Variants in AASDH observed in about 807,000 individuals in gnomAD.
AASDH encodes beta-alanine-activating enzyme.
A neutral mutation model predicts 102.3 loss-of-function variants in AASDH; 81 were observed. That is an observed-to-expected ratio of 0.79 (90% CI 0.66 to 0.95). The LOEUF (loss-of-function observed/expected upper bound fraction) is 0.95. Among genes scored for constraint, AASDH ranks in the 40% least tolerant of loss-of-function variants. The probability of loss-of-function intolerance (pLI) is 0.00; values close to 1 mark genes in which losing one functional copy is unlikely to be tolerated. For missense variants in AASDH, 1,203 were observed against 1,266.2 expected (o/e 0.95, Z 0.76); for synonymous variants, 398 against 454.0 (o/e 0.88, Z 1.57).
At position 56,351,420 on chromosome 4, in the gene AASDH, T is replaced by G. The variant is rs1748984755; in HGVS notation, c.1614A>C (p.Leu538Phe). The G allele has an allele frequency of 1.9e-6, 3 of 1,598,800 alleles. No individual in the cohort carries two copies. In the African/African-American group the frequency reaches 4.0e-5, roughly 21 times the overall value. Residue 538 changes from leucine to phenylalanine, a missense_variant, in exon 10 of 15, where the codon TTA becomes TTC. Physicochemically the swap from Leu to Phe is conservative, Grantham distance 22. Transcript: ENST00000205214. ...TCTCAGACTTCAAGTTTATGTAGTT[T>G]AAATATATCTTGTTTAACTCAGAAA... The part of the protein sequence containing the change: ...IDVSELNKIY[L>F]NYINLKSENK...
intron 5 of AASDH, among the ~76,000 whole-genome samples, chr4:56,362,862 C>T (rs1298025798): frequency 6.6e-6 from 1 of 152,134 alleles, no homozygotes; most frequent in Non-Finnish European, 1.5e-5. Flanking sequence ...CCAGGTTCAT[C>T]TCACTGGGGA....
In AASDH at chr4:56,353,428, C is replaced by T. The variant is rs777182774; in HGVS notation, c.1552G>A (p.Asp518Asn). Residue 518 changes from aspartate to asparagine, a missense_variant, in exon 9 of 15, where the codon GAC (aspartate) becomes AAC (asparagine). Transcript: ENST00000205214. ...HAVPDELVLI[D>N]SLPFTSHGKI... Reference sequence around the variant, plus strand: ...CCGTGGGATGTAAATGGTAGAGAGTCGATCAATACAAGCTCATCCGGGACT... The same window carrying T: ...CCGTGGGATGTAAATGGTAGAGAGTTGATCAATACAAGCTCATCCGGGACT... 5.0e-6 allele frequency: 8 copies of T among 1,608,908 alleles called. No homozygotes were observed. The highest frequency in any genetic ancestry group is 3.3e-5 in the South Asian group (3 of 90,272).
intron 3 of AASDH, 117 bp downstream of exon 3, chr4:56,382,360 G>T: frequency 9.9e-7 from 1 of 1,014,648 alleles, no homozygotes; most frequent in Non-Finnish European, 1.4e-6. Context: ...ATAGTGCAAA[G>T]ACTGAGAAAC....
chr4:56,358,612 G>A (rs1354189626), intron 5 of AASDH, among the ~76,000 whole-genome samples: 1 of 151,828 alleles, frequency 6.6e-6, no homozygotes, highest in Non-Finnish European at 1.5e-5. Context: ...AGATAGGTAT[G>A]TGCTTTTTGT....
Position 56,349,601 on chromosome 4 carries a change from T to G in AASDH, c.2150A>C (p.Gln717Pro). The change falls in exon 11 of 15, where the codon CAA (glutamine) becomes CCA (proline). Residue 717 changes from glutamine to proline, a missense_variant. Gln to Pro is a moderately conservative substitution (Grantham distance 76). Coordinates refer to ENST00000205214, the MANE Select transcript of AASDH (RefSeq NM_181806.4). ...TGGAGAATTTAAGCCTTTCAAATTT[T>G]GAATGTTGGTCTGTGAAACTGAGTC... The part of the protein sequence containing the change: ...PSDSVSQTNI[Q>P]NLKGLNSPVL... 1.2e-6 allele frequency: 2 copies of G among 1,614,232 alleles called. No individual in the cohort carries two copies. The highest frequency in any genetic ancestry group is 1.7e-6 in the Non-Finnish European group (2 of 1,180,040).
chr4:56,381,955 A>G (rs1276357797), intron 3 of AASDH: 1 of 152,122 alleles, frequency 6.6e-6, no homozygotes, highest in Non-Finnish European at 1.5e-5. Context: ...ACTTTTCTGG[A>G]AAGATCTCCT....
chr4:56,382,832 G>A (rs1376753901), intron 2 of AASDH, among the ~76,000 whole-genome samples: 1 of 152,240 alleles, frequency 6.6e-6, no homozygotes, highest in African/African-American at 2.4e-5. Context: ...CACTTTGGGA[G>A]GTTGAGGCGA....
chr4:56,365,133 T>C (rs1750828720), intron 5 of AASDH, among the ~76,000 whole-genome samples: 1 of 152,084 alleles, frequency 6.6e-6, no homozygotes, highest in Non-Finnish European at 1.5e-5. Flanking sequence ...GGCCATTACA[T>C]AATGCTAAAG....
chr4:56,363,698 C>T (rs1023334429), intron 5 of AASDH, among the ~76,000 whole-genome samples: 3 of 152,108 alleles, frequency 2.0e-5, no homozygotes, highest in Non-Finnish European at 4.4e-5. Context: ...ACAGAAAGGA[C>T]ATCCACACCA....
At chr4:56,351,553 A>G (rs1748999943) in intron 9 of AASDH, 96 bp from the exon 10 acceptor site, 2 of 676,616 alleles carry the variant, frequency 3.0e-6, no homozygotes, top group South Asian at 4.1e-5. Context: ...TTTTCTTTGT[A>G]CAACACAGAA....
intron 1 of AASDH, among the ~76,000 whole-genome samples, chr4:56,386,895 G>C (rs1390806581): frequency 2.0e-5 from 3 of 148,636 alleles, no homozygotes; most frequent in Admixed American, 6.7e-5. Flanking sequence ...TACAACTGTA[G>C]AAGCTGCTAT....
chr4:56,386,339 T>C (rs1753550717), intron 1 of AASDH, among the ~76,000 whole-genome samples: 1 of 152,182 alleles, frequency 6.6e-6, no homozygotes, highest in Non-Finnish European at 1.5e-5. Context: ...ATACGATAAT[T>C]AAGATGTTTC....
rs776747579 is a variant in AASDH, at chr4:56,355,436, T to C, written c.862-13A>G. The C allele has an allele frequency of 1.9e-6, 3 of 1,596,590 alleles. No homozygotes were observed. The South Asian group carries it at 3.4e-5, about 18-fold the overall frequency. ...ATGTTGGTGTTGCCTGTAGATACATTAAAAATAATTTATTTATTTTCCTTC... is the reference window on the plus strand; with the variant it reads ...ATGTTGGTGTTGCCTGTAGATACATCAAAAATAATTTATTTATTTTCCTTC... On this transcript the variant is annotated splice_polypyrimidine_tract_variant and intron_variant, in intron 5 of 14. Coordinates refer to ENST00000205214, the MANE Select transcript of AASDH (RefSeq NM_181806.4).
intron 2 of AASDH, among the ~76,000 whole-genome samples, chr4:56,382,845 G>T (rs1399941091): frequency 6.6e-6 from 1 of 152,168 alleles, no homozygotes; most frequent in African/African-American, 2.4e-5. Context: ...TGAGGCGAGC[G>T]AATCACCTGA....
At chr4:56,377,496 C>T (rs1752498058) in intron 4 of AASDH, among the ~76,000 whole-genome samples, 1 of 152,238 alleles carries the variant, frequency 6.6e-6, no homozygotes, top group African/African-American at 2.4e-5. Flanking sequence ...CTCAGCCCTG[C>T]TCTGACATTC....
At chr4:56,380,692 G>A (rs1212508819) in intron 3 of AASDH, among the ~76,000 whole-genome samples, 2 of 152,092 alleles carry the variant, frequency 1.3e-5, no homozygotes, top group African/African-American at 4.8e-5. Context: ...ATATGCTAAT[G>A]CCCTCCCAAT....
At chr4:56,376,863 C>T (rs949298571) in intron 4 of AASDH, among the ~76,000 whole-genome samples, 3 of 151,680 alleles carry the variant, frequency 2.0e-5, no homozygotes, top group Non-Finnish European at 2.9e-5. Context: ...GTCAGGAGAT[C>T]GAGACCATCC....
Position 56,382,570 on chromosome 4 carries a change from T to C in AASDH, c.258A>G (p.Val86=). 6.2e-7 allele frequency: 1 copy of C among 1,610,826 alleles called. No homozygotes were observed. Among genetic ancestry groups the C allele is most frequent in the South Asian group, 1.1e-5 (1 of 89,972 alleles). The change falls in exon 3 of 15, where the codon GTA becomes GTG. Residue 86 remains valine, a synonymous_variant. Transcript: ENST00000205214. ...LGILQVPAAY[V]PIEPDSPPSL... is the part of the protein sequence containing the mutation. ...ACGGTGGTGAATCTGGCTCGATAGGTACATAAGCAGCCGGGACTTGGAGAA... is the reference window on the plus strand; with the variant it reads ...ACGGTGGTGAATCTGGCTCGATAGGCACATAAGCAGCCGGGACTTGGAGAA...
chr4:56,343,738 A>G, intron 12 of AASDH, 54 bp from the exon 13 acceptor site: 3 of 1,536,944 alleles, frequency 2.0e-6, no homozygotes, highest in Non-Finnish European at 2.7e-6. Flanking sequence ...ACAAATCCAT[A>G]TAACCTACCC....
Sources: allele counts gnomAD v4.1 joint callset (sites outside exome capture counted in the v4.1 genomes callset), GRCh38; gene constraint gnomAD v4.1.1; transcripts MANE v1.5; gene names NCBI Gene and HGNC (gene_info 2026-07-23, HGNC 2026-07-21).